The following HSPA9 variants were observed in gnomAD, a reference collection of about 807,000 sequenced individuals.
HSPA9 encodes the protein heat shock protein family A (Hsp70) member 9.
In HSPA9, 28 loss-of-function variants were observed where a neutral mutation model predicts 81.5. The observed-to-expected ratio is 0.34, with a 90% CI of 0.25 to 0.47. HSPA9 has a LOEUF of 0.47. Among genes scored for constraint, HSPA9 ranks in the 20% least tolerant of loss-of-function variants. The pLI is 1.00. For missense variants in HSPA9, 678 were observed against 838.0 expected (o/e 0.81, Z 2.36); for synonymous variants, 293 against 290.4 (o/e 1.01, Z -0.09).
At position 138,555,822 on chromosome 5, in the gene HSPA9, G is replaced by A. The variant is rs1207657183; in HGVS notation, c.*215C>T. ...CATGCAGCTGAAAAATGACAGGCTA[G>A]GGACATAGAATATTGTGAACTTTAT... On this transcript the variant is annotated 3_prime_UTR_variant, in exon 17 of 17. Transcript: ENST00000297185. The A allele has an allele frequency of 3.4e-6, 2 of 588,530 alleles. No individual in the cohort carries two copies. The highest frequency in any genetic ancestry group is 6.0e-6 in the Non-Finnish European group (2 of 332,294). The allele number at this position is 588,530 out of a possible 1,614,324, so 36.5% of individuals were successfully genotyped here.
At chr5:138,566,335 A>T (rs1750759424) in intron 9 of HSPA9, among the ~76,000 whole-genome samples, 1 of 152,172 alleles carries the variant, frequency 6.6e-6, no homozygotes, top group Admixed American at 6.5e-5. Context: ...TTTTAAAATA[A>T]ATGTCTTTAA....
At chr5:138,557,763 G>A (rs1044856235) in intron 13 of HSPA9, 106 bp downstream of exon 13, 1 of 828,332 alleles carries the variant, frequency 1.2e-6, no homozygotes, top group Non-Finnish European at 2.1e-6. Context: ...ACTTGTACAA[G>A]TAAATCTGAT....
intron 1 of HSPA9, chr5:138,574,838 T>C (rs537260366): frequency 1.3e-4 from 26 of 202,090 alleles, no homozygotes; most frequent in African/African-American, 6.0e-4. Flanking sequence ...TTTCTTATTT[T>C]ATTTCACCGT....
intron 3 of HSPA9, among the ~76,000 whole-genome samples, chr5:138,571,785 G>A (rs566425721): frequency 1.3e-5 from 2 of 148,424 alleles, no homozygotes; most frequent in South Asian, 2.2e-4. Context: ...TGGGATTACA[G>A]GTGCCTGCCA....
chr5:138,558,540 C>A lies in HSPA9; in HGVS notation c.1515+13G>T. The A allele has an allele frequency of 6.6e-7, 1 of 1,506,002 alleles. No homozygotes were observed. The highest frequency in any genetic ancestry group is 1.1e-5 in the South Asian group (1 of 88,908). The allele number at this position is 1,506,002 out of a possible 1,614,324, so 93.3% of individuals were successfully genotyped here. ...TGAAGGAGGCATAGTATTCAGGATTCACAATAACCTACCAAAGTAAACTGT... is the reference window on the plus strand; with the variant it reads ...TGAAGGAGGCATAGTATTCAGGATTAACAATAACCTACCAAAGTAAACTGT... On this transcript the variant is annotated intron_variant, in intron 12 of 16. Coordinates refer to ENST00000297185, the MANE Select transcript of HSPA9 (RefSeq NM_004134.7).
chr5:138,569,699 A>G (rs1270372488), intron 4 of HSPA9, among the ~76,000 whole-genome samples: 1 of 152,134 alleles, frequency 6.6e-6, no homozygotes, highest in East Asian at 1.9e-4. Context: ...AGCTGTTTAA[A>G]TTTTTAAAAA....
At chr5:138,566,144 C>T (rs1184187412) in intron 9 of HSPA9, among the ~76,000 whole-genome samples, 4 of 137,884 alleles carry the variant, frequency 2.9e-5, no homozygotes, top group Non-Finnish European at 4.5e-5. Flanking sequence ...GCCAAGATCA[C>T]GCCATTGCAC....
Position 138,554,253 on chromosome 5 carries a change from C to G in HSPA9, c.*1784G>C, listed in dbSNP as rs888181472. ...TTGCTTGGGCATTTGGCTCCTCTCT[C>G]TGATCCCAAGGATGAATCTTGACTA... is the stretch of plus-strand genomic sequence containing the variant. On this transcript the variant is annotated 3_prime_UTR_variant, in exon 17 of 17. Transcript: ENST00000297185. 2.0e-5 allele frequency among the ~76,000 whole-genome samples: 3 copies of G among 152,250 alleles called. No individual in the cohort carries two copies. The highest frequency in any genetic ancestry group is 7.2e-5 in the African/African-American group (3 of 41,466).
intron 4 of HSPA9, 111 bp downstream of exon 4, chr5:138,570,845 ATAAG>A: frequency 1.0e-6 from 1 of 955,004 alleles, no homozygotes; most frequent in Non-Finnish European, 1.7e-6. Context: ...CCTAGGGACA[ATAAG>A]TAAAATTACT....
chr5:138,557,807 A>T (rs1750560450), intron 13 of HSPA9, 62 bp downstream of exon 13: 1 of 949,162 alleles, frequency 1.1e-6, no homozygotes, highest in Admixed American at 1.7e-5. Flanking sequence ...TCATTCTAAG[A>T]GGGTCTATTC....
At position 138,568,256 on chromosome 5, in the gene HSPA9, A is replaced by G. The variant is rs150990839; in HGVS notation, c.536-534T>C. Reference sequence around the variant, plus strand: ...TCATGCCTGTAATCCCAGCACTCTGAGAGGCTGAGGCGGATGAATCACCTG... The same window carrying G: ...TCATGCCTGTAATCCCAGCACTCTGGGAGGCTGAGGCGGATGAATCACCTG... On this transcript the variant is annotated intron_variant, in intron 5 of 16. Transcript: ENST00000297185. Among the ~76,000 whole-genome samples the G allele has an allele frequency of 7.7e-3, 1,162 of 151,512 alleles. 15 individuals carry two copies. The highest frequency in any genetic ancestry group is 0.026 in the African/African-American group (1,060 of 41,294).
At chr5:138,564,819 T>G (rs1199195267) in intron 9 of HSPA9, among the ~76,000 whole-genome samples, 1 of 152,244 alleles carries the variant, frequency 6.6e-6, no homozygotes, top group African/African-American at 2.4e-5. Flanking sequence ...AGAGTACCAC[T>G]ATTATCCTTG....
intron 3 of HSPA9, among the ~76,000 whole-genome samples, chr5:138,572,070 C>T (rs1031275116): frequency 6.6e-6 from 1 of 151,258 alleles, no homozygotes; most frequent in Non-Finnish European, 1.5e-5. Flanking sequence ...GATCCTCCCA[C>T]CTTAGCCTCC....
chr5:138,560,455 T>C (rs1447803094), intron 10 of HSPA9, among the ~76,000 whole-genome samples: 1 of 152,252 alleles, frequency 6.6e-6, no homozygotes, highest in Non-Finnish European at 1.5e-5. Context: ...CAAATTATCA[T>C]AGGCAGCTGT....
chr5:138,572,120 C>T (rs1399523703), intron 3 of HSPA9, among the ~76,000 whole-genome samples: 75 of 152,132 alleles, frequency 4.9e-4, no homozygotes, highest in Non-Finnish European at 2.5e-4. Flanking sequence ...CTATGCCCGG[C>T]TAATTTTTTG....
Position 138,575,290 on chromosome 5 carries a change from G to C in HSPA9, c.29C>G (p.Ala10Gly). MISASRAAA[A>G]RLVGAAASRG... ...GGAGGCTGCGGCGCCCACGAGACGGGCTGCTGCAGCTCGGCTGGCACTTAT... is the reference window on the plus strand; with the variant it reads ...GGAGGCTGCGGCGCCCACGAGACGGCCTGCTGCAGCTCGGCTGGCACTTAT... Residue 10 changes from alanine (A) to glycine (G), a missense_variant, in exon 1 of 17, where the codon GCC (alanine) becomes GGC (glycine). Around this residue, in one of 4 missense-constraint regions of HSPA9, gnomAD observed 89 missense variants for 70.4 expected, o/e 1.27. Coordinates refer to ENST00000297185, the MANE Select transcript of HSPA9 (RefSeq NM_004134.7). 1 of 1,612,174 alleles carries C rather than the reference G, an allele frequency of 6.2e-7. No individual in the cohort carries two copies. Among genetic ancestry groups the C allele is most frequent in the Middle Eastern group, 1.7e-4 (1 of 6,046 alleles).
At chr5:138,560,357 A>G (rs545032477) in intron 10 of HSPA9, among the ~76,000 whole-genome samples, 14 of 152,296 alleles carry the variant, frequency 9.2e-5, no homozygotes, top group African/African-American at 3.1e-4. Flanking sequence ...CTGCTTTCCT[A>G]CACAACACAT....
chr5:138,556,449 T>C lies in HSPA9; in HGVS notation c.1962+3A>G. On this transcript the variant is annotated splice_donor_region_variant and intron_variant, in intron 16 of 16. Transcript: ENST00000297185. ...GAATCAAAATCCACTTCAGCCCTTG[T>C]ACCTTTTTGTATGCCATTTCGAACA... 1.2e-6 allele frequency: 2 copies of C among 1,613,254 alleles called. No homozygotes were observed.
chr5:138,569,125 C>T (rs1750825988), intron 4 of HSPA9, 76 bp from the exon 5 acceptor site: 14 of 1,402,542 alleles, frequency 1.0e-5, no homozygotes, highest in Non-Finnish European at 1.3e-5. Context: ...ATACCATGAA[C>T]ATCCATCTTC....
Sources: allele counts gnomAD v4.1 joint callset (sites outside exome capture counted in the v4.1 genomes callset), GRCh38; gene constraint gnomAD v4.1.1; regional missense constraint gnomAD v4.1.1; transcripts MANE v1.5; gene names NCBI Gene and HGNC (gene_info 2026-07-23, HGNC 2026-07-21).